The following GALNT13 variants were observed in gnomAD, a reference collection of about 807,000 sequenced individuals.
GALNT13 encodes the protein polypeptide N-acetylgalactosaminyltransferase 13.
In GALNT13, 28 loss-of-function variants were observed where a neutral mutation model predicts 64.2. The ratio of observed to expected loss-of-function variants is 0.44; its 90% CI spans 0.32 to 0.60. The LOEUF (loss-of-function observed/expected upper bound fraction) is 0.60. Among genes scored for constraint, GALNT13 ranks in the 20% least tolerant of loss-of-function variants. The probability of loss-of-function intolerance (pLI) is 0.05; values close to 1 mark genes in which losing one functional copy is unlikely to be tolerated. For missense variants in GALNT13, 577 were observed against 669.8 expected, an observed-to-expected ratio of 0.86 and a Z score of 1.53; for synonymous variants, 214 against 224.6, an observed-to-expected ratio of 0.95 and a Z score of 0.42.
chr2:154,394,704 C>T (rs1055263795), intron 9 of GALNT13, among the ~76,000 whole-genome samples: 2 of 151,896 alleles, frequency 1.3e-5, no homozygotes, highest in Non-Finnish European at 2.9e-5. Context: ...GGTTGCATTC[C>T]GGATTGGAAG....
At chr2:154,055,527 G>T (rs969107507) in intron 3 of GALNT13, among the ~76,000 whole-genome samples, 10 of 152,012 alleles carry the variant, frequency 6.6e-5, no homozygotes, top group Non-Finnish European at 1.5e-5. Flanking sequence ...TTATAAGATT[G>T]CACTGAATTT....
At chr2:153,778,601 T>C in the GALNT13 span, among the ~76,000 whole-genome samples, 1 of 152,170 alleles carries the variant, frequency 6.6e-6, no homozygotes, top group Admixed American at 6.5e-5. Flanking sequence ...TAAACTCTAT[T>C]TACAAGTATC....
chr2:154,024,134 C>T (rs986583189), intron 3 of GALNT13, among the ~76,000 whole-genome samples: 1 of 152,136 alleles, frequency 6.6e-6, no homozygotes, highest in Non-Finnish European at 1.5e-5. Context: ...AACATTTTTT[C>T]CTTCATTTCA....
At chr2:154,252,781 A>AGATAG (rs1289679831) in intron 7 of GALNT13, among the ~76,000 whole-genome samples, 1 of 149,714 alleles carries the variant, frequency 6.7e-6, no homozygotes, top group Non-Finnish European at 1.5e-5. Flanking sequence ...ATAGATAGAT[A>AGATAG]ATAGATAAGG....
At chr2:153,557,146 C>T in the GALNT13 span, among the ~76,000 whole-genome samples, 1 of 152,028 alleles carries the variant, frequency 6.6e-6, no homozygotes, top group African/African-American at 2.4e-5. Flanking sequence ...GCATTTTTTG[C>T]TCTACCTTTT....
chr2:153,730,223 G>A, the GALNT13 span, among the ~76,000 whole-genome samples: 1 of 151,926 alleles, frequency 6.6e-6, no homozygotes, highest in Non-Finnish European at 1.5e-5. Context: ...GAAAGAGCAT[G>A]GTACTGGTTT....
chr2:153,819,585 A>C, the GALNT13 span, among the ~76,000 whole-genome samples: 2 of 152,170 alleles, frequency 1.3e-5, no homozygotes, highest in Non-Finnish European at 2.9e-5. Context: ...CCTCATCCAC[A>C]TGGAACAACA....
At chr2:153,176,107 A>G in the GALNT13 span, among the ~76,000 whole-genome samples, 1 of 152,210 alleles carries the variant, frequency 6.6e-6, no homozygotes, top group African/African-American at 2.4e-5. Flanking sequence ...ATGTTGTGAA[A>G]TATTTCAAGG....
intron 4 of GALNT13, among the ~76,000 whole-genome samples, chr2:154,165,260 C>T (rs1406385517): frequency 6.6e-6 from 1 of 152,138 alleles, no homozygotes; most frequent in Non-Finnish European, 1.5e-5. Flanking sequence ...TTACCTCCTT[C>T]ACTGTCTTTT....
intron 8 of GALNT13, among the ~76,000 whole-genome samples, chr2:154,261,708 T>C (rs1046961520): frequency 3.3e-5 from 5 of 152,294 alleles, no homozygotes; most frequent in Admixed American, 6.5e-5. Flanking sequence ...ACTGCATTCC[T>C]ATGACAGAGA....
intron 9 of GALNT13, among the ~76,000 whole-genome samples, chr2:154,340,545 A>T (rs1156809637): frequency 1.3e-5 from 2 of 152,090 alleles, no homozygotes; most frequent in African/African-American, 4.8e-5. Flanking sequence ...GTGTTGCCTG[A>T]TATAATATAT....
At chr2:153,903,577 T>C (rs1688369960) in intron 2 of GALNT13, among the ~76,000 whole-genome samples, 1 of 152,024 alleles carries the variant, frequency 6.6e-6, no homozygotes, top group Non-Finnish European at 1.5e-5. Flanking sequence ...TGATGCTCTC[T>C]GTGCGTCAGC....
chr2:153,578,643 C>A, the GALNT13 span, among the ~76,000 whole-genome samples: 1 of 152,156 alleles, frequency 6.6e-6, no homozygotes, highest in Non-Finnish European at 1.5e-5. Context: ...AAAATGAGAA[C>A]AAAACCTTCA....
the GALNT13 span, among the ~76,000 whole-genome samples, chr2:153,628,064 C>A: frequency 7.1e-3 from 1,077 of 152,264 alleles, 8 homozygotes; most frequent in Non-Finnish European, 0.011. Context: ...CGGTCCTTCA[C>A]GTCCCTTGTA....
chr2:153,939,272 A>T (rs1691171908), intron 2 of GALNT13, among the ~76,000 whole-genome samples: 1 of 152,202 alleles, frequency 6.6e-6, no homozygotes, highest in African/African-American at 2.4e-5. Flanking sequence ...GAGAAAGCAC[A>T]ATCGCACATG....
the GALNT13 span, among the ~76,000 whole-genome samples, chr2:153,668,712 C>T: frequency 7.9e-5 from 12 of 152,030 alleles, no homozygotes; most frequent in African/African-American, 2.9e-4. Context: ...AGGTAAGCAG[C>T]GACCCACACG....
chr2:154,297,808 TTTTAC>T (rs1693014013), intron 8 of GALNT13, among the ~76,000 whole-genome samples: 1 of 152,216 alleles, frequency 6.6e-6, no homozygotes, highest in African/African-American at 2.4e-5. Flanking sequence ...TAGTTATTTA[TTTTAC>T]TTTACTTGTG....
intron 2 of GALNT13, among the ~76,000 whole-genome samples, chr2:153,935,022 A>T (rs1048885899): frequency 6.6e-6 from 1 of 152,180 alleles, no homozygotes; most frequent in Non-Finnish European, 1.5e-5. Flanking sequence ...CTGGGGTCAG[A>T]TGTATTTAGT....
At chr2:153,079,599 T>C in the GALNT13 span, among the ~76,000 whole-genome samples, 1 of 152,176 alleles carries the variant, frequency 6.6e-6, no homozygotes, top group Non-Finnish European at 1.5e-5. Flanking sequence ...GGACGGCTTA[T>C]GTTTCAGCTA....
Sources: allele counts gnomAD v4.1 joint callset (sites outside exome capture counted in the v4.1 genomes callset), GRCh38; gene constraint gnomAD v4.1.1; transcripts MANE v1.5; gene names NCBI Gene and HGNC (gene_info 2026-07-23, HGNC 2026-07-21).